ELOVL6: variants seen among roughly 807,000 people sequenced by gnomAD.
ELOVL6 encodes the protein ELOVL fatty acid elongase 6.
A neutral mutation model predicts 31.7 loss-of-function variants in ELOVL6; 8 were observed. That is an observed-to-expected ratio of 0.25 (90% CI 0.15 to 0.45). The LOEUF is 0.45. Ranked by LOEUF, ELOVL6 falls within the 20% of genes least tolerant of loss-of-function variation. ELOVL6 has a pLI of 1.00. For missense variants in ELOVL6, 126 were observed against 326.4 expected, an observed-to-expected ratio of 0.39 and a Z score of 4.73; for synonymous variants, 101 against 117.7, an observed-to-expected ratio of 0.86 and a Z score of 0.92.
intron 1 of ELOVL6, among the ~76,000 whole-genome samples, chr4:110,179,255 A>G (rs558249328): frequency 2.6e-5 from 4 of 152,342 alleles, no homozygotes; most frequent in Middle Eastern, 3.4e-3. Context: ...CTGTAATCCC[A>G]GCATTTAAGG....
chr4:110,082,219 T>C (rs942227421), intron 2 of ELOVL6, among the ~76,000 whole-genome samples: 9 of 151,936 alleles, frequency 5.9e-5, no homozygotes, highest in African/African-American at 2.2e-4. Context: ...AGAAATACCA[T>C]TTGACCCAGC....
At chr4:110,134,685 G>C (rs1030891418) in intron 1 of ELOVL6, among the ~76,000 whole-genome samples, 1 of 152,306 alleles carries the variant, frequency 6.6e-6, no homozygotes, top group Non-Finnish European at 1.5e-5. Context: ...TGTGAACTGG[G>C]TGTGGTAGCT....
intron 2 of ELOVL6, among the ~76,000 whole-genome samples, chr4:110,087,937 CTG>C (rs1756316525): frequency 6.6e-6 from 1 of 152,072 alleles, no homozygotes; most frequent in African/African-American, 2.4e-5. Context: ...CAATTTGGCT[CTG>C]TCTTTTCTTT....
intron 1 of ELOVL6, among the ~76,000 whole-genome samples, chr4:110,190,183 C>T (rs1759572753): frequency 6.6e-6 from 1 of 151,918 alleles, no homozygotes; most frequent in Non-Finnish European, 1.5e-5. Context: ...TACTTACAAT[C>T]AGCATGTCTA....
At chr4:110,142,367 C>T (rs1193687639) in intron 1 of ELOVL6, among the ~76,000 whole-genome samples, 5 of 152,038 alleles carry the variant, frequency 3.3e-5, no homozygotes, top group Admixed American at 1.3e-4. Flanking sequence ...TTTTTAGTAA[C>T]GTCCAAGGAT....
intron 1 of ELOVL6, among the ~76,000 whole-genome samples, chr4:110,170,644 C>T (rs911945945): frequency 6.6e-6 from 1 of 152,120 alleles, no homozygotes; most frequent in East Asian, 1.9e-4. Flanking sequence ...TTTAAATTGG[C>T]CTCTAGTGCT....
chr4:110,056,126 G>C (rs532942200), intron 3 of ELOVL6, among the ~76,000 whole-genome samples: 6 of 145,234 alleles, frequency 4.1e-5, no homozygotes, highest in South Asian at 2.2e-4. Flanking sequence ...GGGAGCTGGG[G>C]GGGGGGATAC....
intron 2 of ELOVL6, among the ~76,000 whole-genome samples, chr4:110,076,940 C>T (rs1352582291): frequency 5.3e-5 from 8 of 152,198 alleles, no homozygotes; most frequent in Non-Finnish European, 1.0e-4. Context: ...GAGATTATAT[C>T]CCGTGACTGG....
intron 3 of ELOVL6, among the ~76,000 whole-genome samples, chr4:110,056,189 T>C (rs568375103): frequency 2.0e-4 from 30 of 152,244 alleles, no homozygotes; most frequent in Non-Finnish European, 3.5e-4. Flanking sequence ...GATCTTTTCC[T>C]TTTGGTGCTC....
chr4:110,141,408 C>T (rs1250516174), intron 1 of ELOVL6, among the ~76,000 whole-genome samples: 1 of 152,020 alleles, frequency 6.6e-6, no homozygotes, highest in Non-Finnish European at 1.5e-5. Flanking sequence ...TAACCTTTGG[C>T]CCCATACATC....
At chr4:110,134,747 G>T (rs1578506835) in intron 1 of ELOVL6, among the ~76,000 whole-genome samples, 2 of 152,050 alleles carry the variant, frequency 1.3e-5, no homozygotes, top group African/African-American at 4.8e-5. Context: ...ATCACTTGAG[G>T]CCAGGAATTC....
At chr4:110,091,120 T>A (rs1391866884) in intron 2 of ELOVL6, among the ~76,000 whole-genome samples, 1 of 152,210 alleles carries the variant, frequency 6.6e-6, no homozygotes, top group Non-Finnish European at 1.5e-5. Flanking sequence ...TTACTTTTAA[T>A]GACTTCAAAC....
At chr4:110,061,678 T>A (rs1238296960) in intron 2 of ELOVL6, among the ~76,000 whole-genome samples, 1 of 149,400 alleles carries the variant, frequency 6.7e-6, no homozygotes, top group Non-Finnish European at 1.5e-5. Context: ...TTCCTCAGCC[T>A]CCCAAGTAGC....
chr4:110,094,924 T>C (rs1428570851), intron 2 of ELOVL6, among the ~76,000 whole-genome samples: 1 of 152,158 alleles, frequency 6.6e-6, no homozygotes, highest in Non-Finnish European at 1.5e-5. Flanking sequence ...AACAACTATG[T>C]ATGCACTTGG....
intron 2 of ELOVL6, among the ~76,000 whole-genome samples, chr4:110,089,397 A>T (rs1161942827): frequency 6.6e-6 from 1 of 152,134 alleles, no homozygotes; most frequent in Non-Finnish European, 1.5e-5. Flanking sequence ...GACTTTTCAT[A>T]TATGTAGGTT....
Position 110,084,162 on chromosome 4 carries a change from ATGTGAT to A in ELOVL6, c.221+21329_221+21334del, listed in dbSNP as rs1454194324. Among the ~76,000 whole-genome samples, 243 of 71,516 alleles carry A rather than the reference ATGTGAT, an allele frequency of 3.4e-3. 20 individuals carry two copies. The highest frequency in any genetic ancestry group is 0.017 in the African/African-American group (193 of 11,444). The allele number at this position is 71,516 out of a possible 152,430, so 46.9% of individuals were successfully genotyped here. ...GATATATATGATATATATAACATAT[ATGTGAT>A]ATATATGATATATATAACATATAAC... On this transcript the variant is annotated intron_variant, in intron 2 of 3. Transcript: ENST00000302274.
chr4:110,175,132 G>GC (rs1759062992), intron 1 of ELOVL6, among the ~76,000 whole-genome samples: 1 of 151,850 alleles, frequency 6.6e-6, no homozygotes, highest in South Asian at 2.1e-4. Context: ...GCCTGTAATC[G>GC]CAATACTTTG....
chr4:110,192,411 T>G (rs1292523949), intron 1 of ELOVL6, among the ~76,000 whole-genome samples: 8 of 152,136 alleles, frequency 5.3e-5, no homozygotes, highest in Non-Finnish European at 1.2e-4. Flanking sequence ...TGTCTGCATT[T>G]GAAAAGTTTC....
intron 1 of ELOVL6, chr4:110,146,920 G>A (rs1260334641): frequency 2.0e-5 from 3 of 152,530 alleles, no homozygotes; most frequent in African/African-American, 2.4e-5. Flanking sequence ...AACCTGGGAG[G>A]TGGAGGTTGC....
Sources: allele counts gnomAD v4.1 joint callset (sites outside exome capture counted in the v4.1 genomes callset), GRCh38; gene constraint gnomAD v4.1.1; transcripts MANE v1.5; gene names NCBI Gene and HGNC (gene_info 2026-07-23, HGNC 2026-07-21).